The following ASCC3 variants were observed in gnomAD, a reference collection of about 807,000 sequenced individuals.
The protein encoded by ASCC3 is activating signal cointegrator 1 complex subunit 3.
In ASCC3, 158 loss-of-function variants were observed where a neutral mutation model predicts 256.3. The ratio of observed to expected loss-of-function variants is 0.62; its 90% CI spans 0.54 to 0.70. The LOEUF is 0.70. ASCC3 is among the 30% of genes least tolerant of loss of function. The probability of loss-of-function intolerance (pLI) is 0.00; values close to 1 mark genes in which losing one functional copy is unlikely to be tolerated. For missense variants in ASCC3, 2,259 were observed against 2,626.0 expected (o/e 0.86, Z 3.05); for synonymous variants, 948 against 883.4 (o/e 1.07, Z -1.30).
intron 3 of ASCC3, 43 bp from the exon 4 acceptor site, chr6:100,848,750 T>C (rs368875992): frequency 2.5e-6 from 4 of 1,585,684 alleles, no homozygotes; most frequent in East Asian, 2.2e-5. Context: ...AATTGAATCA[T>C]GGTTCAAGTT....
intron 33 of ASCC3, 55 bp downstream of exon 33, chr6:100,605,513 A>G (rs908599269): frequency 7.5e-7 from 1 of 1,326,026 alleles, no homozygotes; most frequent in Non-Finnish European, 1.1e-6. Context: ...ATAACCAGAA[A>G]AACACCAACT....
intron 36 of ASCC3, among the ~76,000 whole-genome samples, chr6:100,546,141 T>A (rs1169404731): frequency 6.6e-6 from 1 of 152,110 alleles, no homozygotes; most frequent in Non-Finnish European, 1.5e-5. Flanking sequence ...AAAAAGGAAT[T>A]CATGATAACA....
chr6:100,852,480 C>T (rs983131329), intron 3 of ASCC3, among the ~76,000 whole-genome samples: 7 of 151,818 alleles, frequency 4.6e-5, no homozygotes, highest in African/African-American at 1.7e-4. Flanking sequence ...CCGAAATAGC[C>T]TTTTGTTCAC....
intron 10 of ASCC3, among the ~76,000 whole-genome samples, chr6:100,729,658 C>A (rs1167300506): frequency 6.6e-6 from 1 of 152,056 alleles, no homozygotes; most frequent in South Asian, 2.1e-4. Flanking sequence ...ATATTGATAT[C>A]ATATTGAATT....
At chr6:100,677,356 G>T (rs1213495740) in intron 14 of ASCC3, among the ~76,000 whole-genome samples, 3 of 144,180 alleles carry the variant, frequency 2.1e-5, no homozygotes, top group Middle Eastern at 3.2e-3. Flanking sequence ...AAGACCCCAT[G>T]CCCTAAGGTC....
chr6:100,837,453 C>T (rs1244375637), intron 4 of ASCC3, among the ~76,000 whole-genome samples: 1 of 152,070 alleles, frequency 6.6e-6, no homozygotes, highest in Non-Finnish European at 1.5e-5. Flanking sequence ...TACTGCAGTA[C>T]TATTCACAAC....
At chr6:100,772,643 T>G (rs921478956) in intron 8 of ASCC3, among the ~76,000 whole-genome samples, 1 of 152,180 alleles carries the variant, frequency 6.6e-6, no homozygotes, top group South Asian at 2.1e-4. Context: ...CAATTAAACA[T>G]CTGAGAGTAC....
At chr6:100,833,127 A>G (rs1452437930) in intron 4 of ASCC3, among the ~76,000 whole-genome samples, 3 of 152,226 alleles carry the variant, frequency 2.0e-5, no homozygotes, top group Non-Finnish European at 4.4e-5. Context: ...CAATGCTAAA[A>G]AAACACACAA....
intron 3 of ASCC3, among the ~76,000 whole-genome samples, chr6:100,849,036 G>T (rs1438592115): frequency 6.6e-6 from 1 of 152,098 alleles, no homozygotes; most frequent in Non-Finnish European, 1.5e-5. Flanking sequence ...AGCCTGGAAG[G>T]TTGGGGCTGC....
At chr6:100,676,925 C>A (rs994126881) in intron 14 of ASCC3, among the ~76,000 whole-genome samples, 3 of 152,110 alleles carry the variant, frequency 2.0e-5, no homozygotes, top group African/African-American at 7.2e-5. Flanking sequence ...AGGGGTAAGG[C>A]ATCACTGTGG....
chr6:100,844,015 A>G (rs1023611804), intron 4 of ASCC3, among the ~76,000 whole-genome samples: 1 of 151,580 alleles, frequency 6.6e-6, no homozygotes, highest in Non-Finnish European at 1.5e-5. Flanking sequence ...CACAAATTAG[A>G]GAAATGGGGT....
intron 30 of ASCC3, among the ~76,000 whole-genome samples, chr6:100,624,194 A>T (rs1179868129): frequency 6.6e-6 from 1 of 151,936 alleles, no homozygotes; most frequent in Non-Finnish European, 1.5e-5. Flanking sequence ...TGAAAGATTA[A>T]TATGTATATA....
chr6:100,840,488 CTTTTTTTTTT>C (rs67554743), intron 4 of ASCC3, among the ~76,000 whole-genome samples: 52 of 109,238 alleles, frequency 4.8e-4, no homozygotes, highest in African/African-American at 2.1e-3. Context: ...CCACGCCAGG[CTTTTTTTTTT>C]TTTTTTTTTT....
At chr6:100,562,907 T>C (rs1770030454) in intron 36 of ASCC3, among the ~76,000 whole-genome samples, 1 of 152,208 alleles carries the variant, frequency 6.6e-6, no homozygotes, top group South Asian at 2.1e-4. Context: ...CATCAGTATG[T>C]ATTATCCTTT....
intron 10 of ASCC3, among the ~76,000 whole-genome samples, chr6:100,745,641 G>A (rs777465876): frequency 2.0e-5 from 3 of 152,128 alleles, no homozygotes; most frequent in African/African-American, 4.8e-5. Flanking sequence ...TGTGATAACC[G>A]TAATGTTCTG....
chr6:100,853,716 G>A (rs1320856878), intron 3 of ASCC3, among the ~76,000 whole-genome samples: 2 of 152,104 alleles, frequency 1.3e-5, no homozygotes, highest in Non-Finnish European at 2.9e-5. Context: ...ACCTATCTTG[G>A]CCTCCTAAAG....
rs1415949993 is a variant in ASCC3, at chr6:100,508,596, CT to C, written c.*789del. On this transcript the variant is annotated 3_prime_UTR_variant, in exon 42 of 42. Transcript: ENST00000369162. ...GTGCTACAACATGAATTAGATTATA[CT>C]TCTCTACTTCTGTAAATAAATATGT... The C allele has an allele frequency of 1.3e-5, 2 of 152,088 alleles. No individual in the cohort carries two copies. Among genetic ancestry groups the C allele is most frequent in the African/African-American group, 4.8e-5 (2 of 41,410 alleles). The allele number at this position is 152,088 out of a possible 1,614,324, so 9.4% of individuals were successfully genotyped here.
intron 4 of ASCC3, among the ~76,000 whole-genome samples, chr6:100,806,233 C>A (rs923455576): frequency 2.0e-5 from 3 of 151,838 alleles, no homozygotes; most frequent in South Asian, 2.1e-4. Flanking sequence ...CAAATAGAGT[C>A]CAGAGTACTA....
intron 36 of ASCC3, among the ~76,000 whole-genome samples, chr6:100,553,052 T>C (rs940275718): frequency 2.0e-5 from 3 of 152,070 alleles, no homozygotes; most frequent in African/African-American, 4.8e-5. Flanking sequence ...ACAGTTTCTC[T>C]AAGCTCTTTA....
Sources: gnomAD v4.1 joint callset for allele counts (sites outside exome capture counted in the v4.1 genomes callset) on GRCh38, gnomAD v4.1.1 for gene constraint, MANE v1.5 for transcripts, NCBI Gene and HGNC (gene_info 2026-07-23, HGNC 2026-07-21) for gene names.